Variants in PPARGC1A observed in about 807,000 individuals in gnomAD.
The protein encoded by PPARGC1A is peroxisome proliferator-activated receptor gamma coactivator 1-alpha.
PPARGC1A carries 25 observed loss-of-function variants against 88.7 expected under a neutral mutation model. That is an observed-to-expected ratio of 0.28 (90% CI 0.21 to 0.39). The LOEUF (loss-of-function observed/expected upper bound fraction) is 0.39, where lower values mean the gene tolerates loss of function less well. Among genes scored for constraint, PPARGC1A ranks in the 10% least tolerant of loss-of-function variants. The pLI, the probability that PPARGC1A is intolerant of heterozygous loss-of-function variation, is 1.00. For missense variants in PPARGC1A, 880 were observed against 968.7 expected (o/e 0.91, Z 1.22); for synonymous variants, 363 against 355.6 (o/e 1.02, Z -0.24).
At chr4:23,960,581 G>A in the PPARGC1A span, among the ~76,000 whole-genome samples, 16 of 152,110 alleles carry the variant, frequency 1.1e-4, no homozygotes, top group Admixed American at 8.5e-4. Context: ...ATAGAGTTTC[G>A]CTGTGCATAA....
chr4:23,818,016 C>A (rs998351716), intron 7 of PPARGC1A, among the ~76,000 whole-genome samples: 5 of 152,154 alleles, frequency 3.3e-5, no homozygotes, highest in African/African-American at 1.2e-4. Context: ...AACTTTCCCC[C>A]CTGAAGTAAG....
the PPARGC1A span, among the ~76,000 whole-genome samples, chr4:23,913,471 A>C: frequency 6.6e-6 from 1 of 151,794 alleles, no homozygotes; most frequent in African/African-American, 2.4e-5. Flanking sequence ...GAGCTTATGG[A>C]ATGGAGGCCC....
At chr4:24,350,243 G>GATCT in the PPARGC1A span, among the ~76,000 whole-genome samples, 4 of 152,200 alleles carry the variant, frequency 2.6e-5, no homozygotes, top group African/African-American at 9.6e-5. Flanking sequence ...GAGCTCAGGT[G>GATCT]ATCTGTCCGT....
chr4:23,874,949 T>C (rs939639935), intron 2 of PPARGC1A, among the ~76,000 whole-genome samples: 2 of 152,254 alleles, frequency 1.3e-5, no homozygotes, highest in Non-Finnish European at 2.9e-5. Context: ...ACCAGGCACC[T>C]TGCTAAAGCT....
At chr4:23,971,610 G>C in the PPARGC1A span, among the ~76,000 whole-genome samples, 1 of 152,172 alleles carries the variant, frequency 6.6e-6, no homozygotes, top group African/African-American at 2.4e-5. Context: ...GGGCGGCTAA[G>C]CCAGTCTAAC....
the PPARGC1A span, among the ~76,000 whole-genome samples, chr4:24,315,303 T>A: frequency 6.6e-6 from 1 of 152,114 alleles, no homozygotes; most frequent in East Asian, 1.9e-4. Flanking sequence ...AGCACAAAAG[T>A]AGGTGTGGGG....
At chr4:24,417,083 C>G in the PPARGC1A span, among the ~76,000 whole-genome samples, 15 of 148,188 alleles carry the variant, frequency 1.0e-4, no homozygotes, top group Middle Eastern at 4.3e-3. Context: ...GATAGGAACT[C>G]AAGTAACAGT....
At chr4:24,299,036 C>T in the PPARGC1A span, among the ~76,000 whole-genome samples, 3 of 152,076 alleles carry the variant, frequency 2.0e-5, no homozygotes, top group African/African-American at 7.2e-5. Flanking sequence ...AGTACAGAAT[C>T]GCATCGACTA....
At chr4:23,903,768 C>T (rs536773550), upstream of PPARGC1A, among the ~76,000 whole-genome samples, 2 of 152,252 alleles carry the variant, frequency 1.3e-5, no homozygotes, top group African/African-American at 4.8e-5. Flanking sequence ...ATTTTATTCA[C>T]TCTACAACAA....
At chr4:24,388,830 G>T in the PPARGC1A span, among the ~76,000 whole-genome samples, 8 of 152,082 alleles carry the variant, frequency 5.3e-5, no homozygotes, top group African/African-American at 1.9e-4. Flanking sequence ...AGGGTGGGGG[G>T]CTAGGGGAGG....
At chr4:24,145,604 G>A in the PPARGC1A span, among the ~76,000 whole-genome samples, 1 of 152,130 alleles carries the variant, frequency 6.6e-6, no homozygotes, top group African/African-American at 2.4e-5. Flanking sequence ...CCCAGCTTGG[G>A]TAATCCCATT....
the PPARGC1A span, among the ~76,000 whole-genome samples, chr4:24,252,730 G>T: frequency 6.6e-6 from 1 of 152,142 alleles, no homozygotes; most frequent in African/African-American, 2.4e-5. Context: ...GATTCCCTGG[G>T]CTTCCATAGA....
the PPARGC1A span, among the ~76,000 whole-genome samples, chr4:23,963,713 G>C: frequency 6.6e-6 from 1 of 152,114 alleles, no homozygotes. Flanking sequence ...TAAATGTGTG[G>C]CCATAAATTA....
the PPARGC1A span, among the ~76,000 whole-genome samples, chr4:24,342,611 A>G: frequency 6.6e-6 from 1 of 152,380 alleles, no homozygotes; most frequent in African/African-American, 2.4e-5. Context: ...ACTAAAATTC[A>G]TGATGCAAAA....
chr4:23,867,112 A>T (rs4631028), intron 2 of PPARGC1A, among the ~76,000 whole-genome samples: 13,775 of 152,178 alleles, frequency 0.091, 1,199 homozygotes, highest in African/African-American at 0.23. Context: ...CGAGTAAAAA[A>T]ATCTAGCAAC....
At chr4:23,893,612 G>T (rs1240173899), upstream of PPARGC1A, among the ~76,000 whole-genome samples, 1 of 152,084 alleles carries the variant, frequency 6.6e-6, no homozygotes, top group Non-Finnish European at 1.5e-5. Flanking sequence ...AATAACGTAA[G>T]CAAATTGACA....
chr4:24,180,668 T>C, the PPARGC1A span, among the ~76,000 whole-genome samples: 2 of 152,152 alleles, frequency 1.3e-5, no homozygotes, highest in Admixed American at 1.3e-4. Context: ...TTTTACTCTT[T>C]CCAGCACTCA....
At chr4:24,321,058 G>A in the PPARGC1A span, among the ~76,000 whole-genome samples, 3 of 152,048 alleles carry the variant, frequency 2.0e-5, no homozygotes. Flanking sequence ...TCCTCTTCGT[G>A]CAAGCCTGAA....
the PPARGC1A span, among the ~76,000 whole-genome samples, chr4:24,047,493 C>T: frequency 1.3e-5 from 2 of 152,214 alleles, no homozygotes; most frequent in African/African-American, 2.4e-5. Context: ...TCACAAGAAC[C>T]CTATAAGGTA....
Sources: allele counts gnomAD v4.1 joint callset (sites outside exome capture counted in the v4.1 genomes callset), GRCh38; gene constraint gnomAD v4.1.1; transcripts MANE v1.5; gene names NCBI Gene and HGNC (gene_info 2026-07-23, HGNC 2026-07-21).